Variants in USP9Y observed in about 807,000 individuals in gnomAD.
USP9Y encodes ubiquitin specific peptidase 9 Y-linked, also known as ubiquitin carboxyl-terminal hydrolase 9Y.
In USP9Y, 41 loss-of-function variants were observed where a neutral mutation model predicts 53.1. The ratio of observed to expected loss-of-function variants is 0.77; its 90% CI spans 0.60 to 1.00. The LOEUF (loss-of-function observed/expected upper bound fraction) is 1.00, where lower values mean the gene tolerates loss of function less well. Ranked by LOEUF, USP9Y falls within the 50% of genes least tolerant of loss-of-function variation. The pLI is 0.00. For missense variants in USP9Y, 567 were observed against 535.8 expected (o/e 1.06, Z -0.58); for synonymous variants, 220 against 173.7 (o/e 1.27, Z -2.09).
intron 27 of USP9Y, among the ~76,000 whole-genome samples, chrY:12,809,863 T>C: frequency 3.0e-5 from 1 of 33,207 alleles, no homozygotes; most frequent in Non-Finnish European, 7.4e-5. Flanking sequence ...TTATATTTTA[T>C]TGATTGATGC....
At position 12,838,059 on chromosome Y, in the gene USP9Y, T is replaced by C. The variant is rs771509351; in HGVS notation, c.5337+7T>C. The C allele has an allele frequency of 5.5e-6, 2 of 362,784 alleles. No homozygotes were observed. Among genetic ancestry groups the C allele is most frequent in the South Asian group, 6.3e-5 (2 of 31,788 alleles). The allele number at this position is 362,784 out of a possible 400,897, so 90.5% of individuals were successfully genotyped here. A position where few individuals can be genotyped will look rare whatever the true frequency, so the allele number is the denominator to read the frequency against. On this transcript the variant is annotated splice_region_variant and intron_variant, in intron 35 of 45. Coordinates refer to ENST00000338981, the MANE Select transcript of USP9Y (RefSeq NM_004654.4). Reference sequence around the variant, plus strand: ...TGAAAAATGTGATAAAAAGGTATTTTTTTTTACTTTTGAAAAATAATGATT... The same window carrying C: ...TGAAAAATGTGATAAAAAGGTATTTCTTTTTACTTTTGAAAAATAATGATT...
chrY:12,722,635 C>T, intron 5 of USP9Y, among the ~76,000 whole-genome samples: 3 of 32,604 alleles, frequency 9.2e-5, no homozygotes, highest in Non-Finnish European at 1.5e-4. Context: ...CATCAGACTG[C>T]GGACCAAGAA....
At chrY:12,815,774 A>G (rs2053535681) in intron 31 of USP9Y, among the ~76,000 whole-genome samples, 1 of 33,919 alleles carries the variant, frequency 2.9e-5, no homozygotes, top group South Asian at 6.6e-4. Flanking sequence ...ACAGGGTTTC[A>G]CCATGTTGGT....
chrY:12,720,583 A>G lies in USP9Y; in HGVS notation c.97-6A>G. 2 of 390,865 alleles carry G rather than the reference A, an allele frequency of 5.1e-6. No individual in the cohort carries two copies. The highest frequency in any genetic ancestry group is 7.2e-6 in the Non-Finnish European group (2 of 278,691). On this transcript the variant is annotated splice_region_variant and splice_polypyrimidine_tract_variant and intron_variant, in intron 3 of 45. Transcript: ENST00000338981. ...TTAAATTTGGAATATTTAATTTTTA[A>G]TTAAGACTTCATCACCTGATTCTTC...
intron 27 of USP9Y, among the ~76,000 whole-genome samples, chrY:12,805,044 CCTTGT>C (rs2053522867): frequency 3.0e-5 from 1 of 32,830 alleles, no homozygotes. Context: ...TCAAGATTCT[CCTTGT>C]CTTTGTTTTA....
At chrY:12,742,939 T>C (rs2053457820) in intron 12 of USP9Y, among the ~76,000 whole-genome samples, 1 of 32,991 alleles carries the variant, frequency 3.0e-5, no homozygotes, top group African/African-American at 1.2e-4. Context: ...CTGCCCCAAC[T>C]TCCTTCTTAA....
At chrY:12,721,369 G>A (rs2053435551) in intron 4 of USP9Y, among the ~76,000 whole-genome samples, 1 of 33,241 alleles carries the variant, frequency 3.0e-5, no homozygotes. Context: ...TTTTAAAAAC[G>A]AAAAGAGATA....
chrY:12,732,366 G>A (rs745449464), intron 7 of USP9Y, among the ~76,000 whole-genome samples: 1 of 33,140 alleles, frequency 3.0e-5, no homozygotes, highest in South Asian at 6.7e-4. Flanking sequence ...GTTTGAGACA[G>A]AGTTTTGCTC....
At chrY:12,705,435 A>G in intron 1 of USP9Y, among the ~76,000 whole-genome samples, 1 of 32,066 alleles carries the variant, frequency 3.1e-5, no homozygotes, top group African/African-American at 1.2e-4. Flanking sequence ...TTGTTGGGTT[A>G]GTGTTCAGCA....
At chrY:12,810,125 A>G in intron 27 of USP9Y, 54 bp from the exon 28 acceptor site, 2 of 335,841 alleles carry the variant, frequency 6.0e-6, no homozygotes. Flanking sequence ...AAGATAGATC[A>G]GTGTTGGAAT....
chrY:12,787,095 T>C (rs747042540), intron 24 of USP9Y, among the ~76,000 whole-genome samples: 1 of 33,675 alleles, frequency 3.0e-5, no homozygotes, highest in South Asian at 6.5e-4. Flanking sequence ...CCTGAATCTT[T>C]TGTTAAGTCA....
At chrY:12,750,760 G>A (rs771458810) in intron 12 of USP9Y, among the ~76,000 whole-genome samples, 226 of 32,742 alleles carry the variant, frequency 6.9e-3, no homozygotes, top group African/African-American at 0.025. Flanking sequence ...TTTTTTATAT[G>A]TGTTGCTTCT....
intron 12 of USP9Y, among the ~76,000 whole-genome samples, chrY:12,755,456 C>T: frequency 3.1e-5 from 1 of 32,551 alleles, no homozygotes; most frequent in Admixed American, 2.8e-4. Context: ...TGAGCCACCG[C>T]GCCCAGCCTC....
intron 22 of USP9Y, among the ~76,000 whole-genome samples, chrY:12,783,084 T>C (rs754587540): frequency 2.9e-5 from 1 of 33,922 alleles, no homozygotes; most frequent in Admixed American, 2.7e-4. Flanking sequence ...GTTATTGATA[T>C]ATCCAGACAG....
intron 42 of USP9Y, among the ~76,000 whole-genome samples, chrY:12,849,980 C>T: frequency 3.1e-5 from 1 of 32,415 alleles, no homozygotes; most frequent in Non-Finnish European, 7.5e-5. Flanking sequence ...GGGAGGATTC[C>T]CTCTTTTTTC....
chrY:12,838,235 G>C, intron 35 of USP9Y, among the ~76,000 whole-genome samples, 183 bp downstream of exon 35: 1 of 33,072 alleles, frequency 3.0e-5, no homozygotes, highest in Non-Finnish European at 7.4e-5. Context: ...TACAGTGCGT[G>C]GCAGACTAGG....
At position 12,833,752 on chromosome Y, in the gene USP9Y, G is replaced by A. The variant is rs759789874; in HGVS notation, c.5086G>A (p.Val1696Met). ...TGCCTTAGAGTTTTTTAATTCTTTG[G>A]TGGATAGTTTAGATGAAGCTTTAAA... Reference protein sequence around the residue: ...HDALEFFNSLVDSLDEALKAL... With the variant: ...HDALEFFNSLMDSLDEALKAL... Residue 1696 changes from valine to methionine, a missense_variant, in exon 34 of 46, where the codon GTG (valine) becomes ATG (methionine). Coordinates refer to ENST00000338981, the MANE Select transcript of USP9Y (RefSeq NM_004654.4). 1.5e-5 allele frequency: 6 copies of A among 398,055 alleles called. No individual in the cohort carries two copies. The South Asian group carries it at 1.8e-4, about 12-fold the overall frequency.
At chrY:12,741,350 C>T in intron 12 of USP9Y, among the ~76,000 whole-genome samples, 1 of 33,297 alleles carries the variant, frequency 3.0e-5, no homozygotes, top group Admixed American at 2.8e-4. Context: ...CTTCAAAGGT[C>T]TTTGTTAAGG....
chrY:12,709,302 T>A, intron 2 of USP9Y, 86 bp from the exon 3 acceptor site: 1 of 166,559 alleles, frequency 6.0e-6, no homozygotes, highest in Non-Finnish European at 1.1e-5. Flanking sequence ...CTCTGCAAGA[T>A]GTTTTGTCCT....
Sources: gnomAD v4.1 joint callset for allele counts (sites outside exome capture counted in the v4.1 genomes callset) on GRCh38, gnomAD v4.1.1 for gene constraint, MANE v1.5 for transcripts, NCBI Gene and HGNC (gene_info 2026-07-23, HGNC 2026-07-21) for gene names.